NFKBIZ: variants seen among roughly 807,000 people sequenced by gnomAD.
The protein encoded by NFKBIZ is NF-kappa-B inhibitor zeta.
A neutral mutation model predicts 76.8 loss-of-function variants in NFKBIZ; 19 were observed. The observed-to-expected ratio is 0.25, with a 90% CI of 0.17 to 0.36. The LOEUF (loss-of-function observed/expected upper bound fraction) is 0.36, where lower values mean the gene tolerates loss of function less well. Ranked by LOEUF, NFKBIZ falls within the 10% of genes least tolerant of loss-of-function variation. The pLI is 1.00. For synonymous variants in NFKBIZ, 368 were observed against 354.8 expected (o/e 1.04, Z -0.42); for missense variants, 829 against 910.9 (o/e 0.91, Z 1.16).
intron 2 of NFKBIZ, among the ~76,000 whole-genome samples, chr3:101,837,567 G>C (rs968325285): frequency 6.6e-6 from 1 of 151,890 alleles, no homozygotes; most frequent in African/African-American, 2.4e-5. Flanking sequence ...CTTTCTGATG[G>C]GGCATGCCAT....
chr3:101,859,008 G>GT (rs1193686701), intron 11 of NFKBIZ, among the ~76,000 whole-genome samples: 1 of 152,118 alleles, frequency 6.6e-6, no homozygotes, highest in Non-Finnish European at 1.5e-5. Flanking sequence ...AATAGCAAGA[G>GT]TAAAGATTAG....
Position 101,853,103 on chromosome 3 carries a change from A to T in NFKBIZ, c.577A>T (p.Thr193Ser). 1.9e-6 allele frequency: 3 copies of T among 1,613,300 alleles called. No homozygotes were observed. The change falls in exon 5 of 12, where the codon ACA becomes TCA. Residue 193 changes from threonine to serine, a missense_variant. By Grantham distance (58) the Thr-to-Ser change is moderately conservative (BLOSUM62 1). Transcript: ENST00000326172. ...TCCTTCTTTCCAGACACCACCTCAA[A>T]CACCAACGCCCGGGGAGAGCATGGA... The part of the protein sequence containing the change: ...LHSQFLTPPQ[T>S]PTPGESMEDV...
At chr3:101,835,884 G>T (rs747725458) in intron 2 of NFKBIZ, among the ~76,000 whole-genome samples, 13 of 152,140 alleles carry the variant, frequency 8.5e-5, no homozygotes, top group Non-Finnish European at 1.8e-4. Flanking sequence ...GTCCAATTGT[G>T]GTTCAGCAGG....
At chr3:101,830,922 C>T (rs563692681) in intron 2 of NFKBIZ, among the ~76,000 whole-genome samples, 39 of 152,280 alleles carry the variant, frequency 2.6e-4, no homozygotes, top group African/African-American at 9.4e-4. Flanking sequence ...TTAAACTTAT[C>T]AAAATACTGT....
At chr3:101,859,272 G>T in intron 11 of NFKBIZ, 46 bp from the exon 12 acceptor site, 1 of 1,467,908 alleles carries the variant, frequency 6.8e-7, no homozygotes, top group Non-Finnish European at 9.5e-7. Flanking sequence ...ACACCACATT[G>T]GCCATAAGAA....
At position 101,857,464 on chromosome 3, in the gene NFKBIZ, G is replaced by A; in HGVS notation, c.2103+5G>A. 6.2e-7 allele frequency: 1 copy of A among 1,613,820 alleles called. No individual in the cohort carries two copies. The highest frequency in any genetic ancestry group is 1.3e-5 in the African/African-American group (1 of 75,052). ...GATGGCCCTGTGGGAGAACAGGTGA[G>A]AGGCACAGGAGGGAGAGGAAGTATT... On this transcript the variant is annotated splice_donor_5th_base_variant and intron_variant, in intron 11 of 11. Transcript: ENST00000326172.
At chr3:101,858,868 G>C (rs1000464754) in intron 11 of NFKBIZ, among the ~76,000 whole-genome samples, 2 of 152,174 alleles carry the variant, frequency 1.3e-5, no homozygotes, top group African/African-American at 2.4e-5. Flanking sequence ...GACTTGAATG[G>C]TATTAAGGAT....
At chr3:101,857,018 A>C in intron 9 of NFKBIZ, 55 bp from the exon 10 acceptor site, 1 of 1,266,114 alleles carries the variant, frequency 7.9e-7, no homozygotes, top group East Asian at 2.3e-5. Context: ...GTGTATTCTG[A>C]GGCATAGTAT....
chr3:101,860,300 T>G lies in NFKBIZ; in HGVS notation c.*929T>G, dbSNP rs1423566064. The G allele has an allele frequency of 1.3e-5, 2 of 152,098 alleles. No individual in the cohort carries two copies. The highest frequency in any genetic ancestry group is 2.9e-5 in the Non-Finnish European group (2 of 67,986). The allele number at this position is 152,098 out of a possible 1,614,324, so 9.4% of individuals were successfully genotyped here. A position where few individuals can be genotyped will look rare whatever the true frequency, so the allele number is the denominator to read the frequency against. ...CTCAAGTGATCCTCCTACCTGAGCC[T>G]TCTGAGTAACTGGAACTACAGGTGT... On this transcript the variant is annotated 3_prime_UTR_variant, in exon 12 of 12. Coordinates refer to ENST00000326172, the MANE Select transcript of NFKBIZ (RefSeq NM_031419.4).
At chr3:101,838,018 T>C (rs1441968754) in intron 2 of NFKBIZ, among the ~76,000 whole-genome samples, 1 of 152,252 alleles carries the variant, frequency 6.6e-6, no homozygotes, top group East Asian at 1.9e-4. Context: ...TTATGCTCTT[T>C]TGTAATCAGT....
intron 11 of NFKBIZ, 109 bp downstream of exon 11, chr3:101,857,568 T>C (rs1286172107): frequency 1.4e-5 from 21 of 1,517,300 alleles, no homozygotes; most frequent in Non-Finnish European, 1.7e-5. Context: ...TCAGGTGGAC[T>C]CTATCAGTGT....
chr3:101,855,497 G>A (rs1178364533), intron 8 of NFKBIZ, 39 bp downstream of exon 8: 6 of 1,570,074 alleles, frequency 3.8e-6, no homozygotes, highest in South Asian at 1.1e-5. Flanking sequence ...GAGCCACTTA[G>A]GGGGAACCAT....
At chr3:101,828,009 A>C (rs1355089407) in exon 1 of NFKBIZ, 1 of 152,248 alleles carries the variant, frequency 6.6e-6, no homozygotes, top group Non-Finnish European at 1.5e-5. Flanking sequence ...CCACGAGGTC[A>C]GACGGCGAGT....
At position 101,859,427 on chromosome 3, in the gene NFKBIZ, T is replaced by C; in HGVS notation, c.*56T>C. 2 of 1,441,542 alleles carry C rather than the reference T, an allele frequency of 1.4e-6. No individual in the cohort carries two copies. Among genetic ancestry groups the C allele is most frequent in the Non-Finnish European group, 9.8e-7 (1 of 1,022,778 alleles). The allele number at this position is 1,441,542 out of a possible 1,614,324, so 89.3% of individuals were successfully genotyped here. ...CTCACTGTCAGTTAGGCAGTCCTGA[T>C]GTATCTGTACATAGACCATTTGCCT... On this transcript the variant is annotated 3_prime_UTR_variant, in exon 12 of 12. Transcript: ENST00000326172.
chr3:101,831,662 C>T (rs954254501), intron 2 of NFKBIZ, among the ~76,000 whole-genome samples: 1 of 150,320 alleles, frequency 6.7e-6, no homozygotes, highest in Admixed American at 6.7e-5. Flanking sequence ...TTTTTTGATA[C>T]AGAATCTCCC....
chr3:101,858,040 T>C (rs1943076559), intron 11 of NFKBIZ: 2 of 854,410 alleles, frequency 2.3e-6, no homozygotes, highest in African/African-American at 1.8e-5. Context: ...TATATTATCA[T>C]TGAGTATTGA....
At chr3:101,828,016 G>A (rs1942576553) in exon 1 of NFKBIZ, 1 of 152,242 alleles carries the variant, frequency 6.6e-6, no homozygotes, top group South Asian at 2.1e-4. Context: ...GTCAGACGGC[G>A]AGTTCTTAGA....
chr3:101,840,367 A>G (rs1322752184), intron 2 of NFKBIZ, among the ~76,000 whole-genome samples: 2 of 152,216 alleles, frequency 1.3e-5, no homozygotes, highest in African/African-American at 4.8e-5. Flanking sequence ...GGTGAAAGTT[A>G]GGAAAGTGCA....
chr3:101,858,414 A>G (rs764253417), intron 11 of NFKBIZ: 72 of 985,186 alleles, frequency 7.3e-5, no homozygotes, highest in Non-Finnish European at 8.6e-5. Flanking sequence ...TCCAAGGACC[A>G]GAACCATCAT....
Sources: gnomAD v4.1 joint callset for allele counts (sites outside exome capture counted in the v4.1 genomes callset) on GRCh38, gnomAD v4.1.1 for gene constraint, MANE v1.5 for transcripts, NCBI Gene and HGNC (gene_info 2026-07-23, HGNC 2026-07-21) for gene names.